NAV2: variants seen among roughly 807,000 people sequenced by gnomAD.
The protein encoded by NAV2 is neuron navigator 2, also known as helicase, APC down-regulated 1.
NAV2 carries 54 observed loss-of-function variants against 223.2 expected under a neutral mutation model. The observed-to-expected ratio is 0.24, with a 90% CI of 0.19 to 0.30. NAV2 has a LOEUF of 0.30. Ranked by LOEUF, NAV2 falls within the 10% of genes least tolerant of loss-of-function variation. NAV2 has a pLI of 1.00. For synonymous variants in NAV2, 1,279 were observed against 1,239.3 expected, an observed-to-expected ratio of 1.03 and a Z score of -0.67; for missense variants, 2,806 against 3,147.5, an observed-to-expected ratio of 0.89 and a Z score of 2.60.
chr11:19,396,040 G>A (rs181325072), intron 1 of NAV2, among the ~76,000 whole-genome samples: 2 of 152,138 alleles, frequency 1.3e-5, no homozygotes, highest in African/African-American at 4.8e-5. Context: ...CCTACCTCCT[G>A]GGATTTTGTG....
intron 6 of NAV2, among the ~76,000 whole-genome samples, chr11:19,909,682 G>A (rs1419545520): frequency 6.6e-6 from 1 of 152,076 alleles, no homozygotes; most frequent in Non-Finnish European, 1.5e-5. Context: ...CATTTCTTCA[G>A]GAGCAAGCTT....
chr11:19,895,904 C>T (rs2041939722), intron 6 of NAV2, among the ~76,000 whole-genome samples: 1 of 152,038 alleles, frequency 6.6e-6, no homozygotes, highest in Non-Finnish European at 1.5e-5. Flanking sequence ...TAAGACACAA[C>T]AGGTACCTGG....
chr11:20,080,227 C>T lies in NAV2; in HGVS notation c.5325+18C>T. Reference sequence around the variant, plus strand: ...AGAACTGGGTGAGTGCACATCCACTCTCCTGGGGACTGACGGACAGAGTCA... The same window carrying T: ...AGAACTGGGTGAGTGCACATCCACTTTCCTGGGGACTGACGGACAGAGTCA... On this transcript the variant is annotated intron_variant, in intron 25 of 37. Coordinates refer to ENST00000349880, the MANE Select transcript of NAV2 (RefSeq NM_145117.5). 1.2e-6 allele frequency: 2 copies of T among 1,609,492 alleles called. No individual in the cohort carries two copies. The highest frequency in any genetic ancestry group is 2.2e-5 in the East Asian group (1 of 44,678).
intron 3 of NAV2, among the ~76,000 whole-genome samples, chr11:19,852,384 G>A (rs978328968): frequency 2.0e-5 from 3 of 152,208 alleles, no homozygotes; most frequent in Admixed American, 2.0e-4. Context: ...GGAGCTTGCT[G>A]CATCAGTACA....
At chr11:19,720,437 A>G (rs1385332216) in intron 1 of NAV2, among the ~76,000 whole-genome samples, 1 of 152,208 alleles carries the variant, frequency 6.6e-6, no homozygotes, top group Non-Finnish European at 1.5e-5. Context: ...TTTTGCAAAC[A>G]ATGGGCCCCC....
At chr11:19,807,901 G>A (rs898387577) in intron 1 of NAV2, among the ~76,000 whole-genome samples, 5 of 152,162 alleles carry the variant, frequency 3.3e-5, no homozygotes, top group Admixed American at 6.5e-5. Flanking sequence ...TTTGTCCTGT[G>A]CTTGCTTACT....
chr11:19,350,085 C>CTGATGATGA (rs3077390), upstream of NAV2, among the ~76,000 whole-genome samples: 42,812 of 149,304 alleles, frequency 0.29, 6,273 homozygotes, highest in East Asian at 0.51. Context: ...CCTTATTCCT[C>CTGATGATGA]TGATGATGAT....
chr11:19,828,639 C>A (rs915966489), intron 1 of NAV2, among the ~76,000 whole-genome samples: 78 of 152,058 alleles, frequency 5.1e-4, no homozygotes, highest in African/African-American at 1.8e-3. Context: ...TGGGCACGTG[C>A]CATCACACCC....
intron 1 of NAV2, among the ~76,000 whole-genome samples, chr11:19,676,329 G>C (rs901129787): frequency 1.3e-5 from 2 of 152,142 alleles, no homozygotes; most frequent in Non-Finnish European, 2.9e-5. Context: ...CTGTGAGCAA[G>C]AGTCTTAGTT....
chr11:19,434,096 G>A (rs1851127831), intron 1 of NAV2, among the ~76,000 whole-genome samples: 8 of 113,032 alleles, frequency 7.1e-5, no homozygotes, highest in Middle Eastern at 9.1e-3. Flanking sequence ...TGAAAGGAGA[G>A]TGGAAAATGA....
intron 11 of NAV2, among the ~76,000 whole-genome samples, chr11:20,006,566 T>C (rs2153499520): frequency 6.6e-6 from 1 of 152,128 alleles, no homozygotes; most frequent in Non-Finnish European, 1.5e-5. Flanking sequence ...TCCCAGCTAC[T>C]TGAGAGGCTG....
intron 3 of NAV2, among the ~76,000 whole-genome samples, chr11:19,849,887 TGG>T (rs2152971414): frequency 6.6e-6 from 1 of 152,288 alleles, no homozygotes; most frequent in African/African-American, 2.4e-5. Flanking sequence ...CTTTCAAAGG[TGG>T]CAACAACCTC....
chr11:20,119,401 C>G lies in NAV2; in HGVS notation c.*1143C>G, dbSNP rs1283912859. ...CCTCGACATGTGGGTGAGCCATGGA[C>G]CTTGCCTTCCCTTCTCGTCCTTGAG... On this transcript the variant is annotated 3_prime_UTR_variant, in exon 38 of 38. Coordinates refer to ENST00000349880, the MANE Select transcript of NAV2 (RefSeq NM_145117.5). 1 of 152,500 alleles carries G rather than the reference C, an allele frequency of 6.6e-6. No homozygotes were observed. Among genetic ancestry groups the G allele is most frequent in the African/African-American group, 2.4e-5 (1 of 41,422 alleles). 9.4% of individuals were successfully genotyped at this position (152,500 alleles called of 1,614,324 possible).
intron 5 of NAV2, among the ~76,000 whole-genome samples, chr11:19,886,797 T>C (rs1409527417): frequency 3.3e-5 from 5 of 152,194 alleles, no homozygotes; most frequent in Non-Finnish European, 7.4e-5. Context: ...GTGTCAACCC[T>C]GTCCTGAGGC....
At chr11:19,700,633 G>C (rs1380857144) in intron 1 of NAV2, among the ~76,000 whole-genome samples, 1 of 152,146 alleles carries the variant, frequency 6.6e-6, no homozygotes, top group Non-Finnish European at 1.5e-5. Flanking sequence ...TCAATGCCCA[G>C]ACCTCCACCC....
intron 20 of NAV2, 140 bp from the exon 21 acceptor site, chr11:20,068,046 T>A (rs1484535916): frequency 5.1e-5 from 40 of 781,334 alleles, no homozygotes; most frequent in Non-Finnish European, 3.6e-5. Flanking sequence ...GAACCAGTTT[T>A]TCCAGAGAAA....
intron 1 of NAV2, among the ~76,000 whole-genome samples, chr11:19,543,643 G>T (rs2044399965): frequency 6.6e-6 from 1 of 152,180 alleles, no homozygotes; most frequent in African/African-American, 2.4e-5. Context: ...CTATGAGCTT[G>T]CCTTCCTTTG....
intron 1 of NAV2, among the ~76,000 whole-genome samples, chr11:19,366,800 A>G (rs930113058): frequency 6.6e-6 from 1 of 152,204 alleles, no homozygotes; most frequent in African/African-American, 2.4e-5. Context: ...GAGAATGTGC[A>G]TAGTGAGATC....
intron 1 of NAV2, among the ~76,000 whole-genome samples, chr11:19,375,836 G>A (rs1043403979): frequency 6.6e-6 from 1 of 152,068 alleles, no homozygotes; most frequent in African/African-American, 2.4e-5. Flanking sequence ...ATGGTGGGGG[G>A]TGTGTGTTTA....
Sources: gnomAD v4.1 joint callset for allele counts (sites outside exome capture counted in the v4.1 genomes callset) on GRCh38, gnomAD v4.1.1 for gene constraint, MANE v1.5 for transcripts, NCBI Gene and HGNC (gene_info 2026-07-23, HGNC 2026-07-21) for gene names.